Variants in ZNF667 observed in about 807,000 individuals in gnomAD.
ZNF667 encodes the protein myocardial ischemic preconditioning upregulated 1 ortholog.
Under a neutral mutation model 31.8 loss-of-function variants are expected in ZNF667, and 13 were observed. The ratio of observed to expected loss-of-function variants is 0.41; its 90% CI spans 0.27 to 0.65. The LOEUF is 0.65. Among genes scored for constraint, ZNF667 ranks in the 30% least tolerant of loss-of-function variants. The pLI, the probability that ZNF667 is intolerant of heterozygous loss-of-function variation, is 0.32. For synonymous variants in ZNF667, 228 were observed against 247.1 expected, an observed-to-expected ratio of 0.92 and a Z score of 0.73; for missense variants, 642 against 725.6, an observed-to-expected ratio of 0.88 and a Z score of 1.32.
chr19:56,464,217 TATTAAA>T (rs1460008540), intron 3 of ZNF667, among the ~76,000 whole-genome samples: 1 of 152,266 alleles, frequency 6.6e-6, no homozygotes, highest in Non-Finnish European at 1.5e-5. Context: ...AGTTAAATGT[TATTAAA>T]ATTAACTTTA....
intron 4 of ZNF667, among the ~76,000 whole-genome samples, chr19:56,461,967 C>T (rs1476609465): frequency 6.6e-6 from 1 of 152,246 alleles, no homozygotes; most frequent in Admixed American, 6.5e-5. Context: ...GTCAAGTCCC[C>T]TCTGCTACTG....
intron 5 of ZNF667, among the ~76,000 whole-genome samples, chr19:56,459,721 C>T (rs945544167): frequency 3.3e-5 from 5 of 152,126 alleles, no homozygotes; most frequent in Admixed American, 6.5e-5. Flanking sequence ...GGGCTGAGTG[C>T]GGTGGCTCAT....
chr19:56,465,334 T>C (rs956307475), intron 3 of ZNF667, among the ~76,000 whole-genome samples: 7 of 152,202 alleles, frequency 4.6e-5, no homozygotes, highest in African/African-American at 1.7e-4. Context: ...GAGTTCAGAG[T>C]TAGGTAATGG....
At chr19:56,458,099 T>G in intron 6 of ZNF667, 56 bp downstream of exon 6, 1 of 1,468,030 alleles carries the variant, frequency 6.8e-7, no homozygotes, top group Non-Finnish European at 9.5e-7. Context: ...TATATGGCAT[T>G]CTGTTATAGC....
Position 56,439,793 on chromosome 19 carries a change from T to A in ZNF667, c.*1369A>T, listed in dbSNP as rs1341902476. ...CTTCAGCCTCCCGAGTAGCTGGGAC[T>A]ACAGGCACATGCCACTGTGCCTGGC... On this transcript the variant is annotated 3_prime_UTR_variant, in exon 7 of 7. Transcript: ENST00000504904. 1 of 152,662 alleles carries A rather than the reference T, an allele frequency of 6.6e-6. No homozygotes were observed. Among genetic ancestry groups the A allele is most frequent in the Non-Finnish European group, 1.5e-5 (1 of 68,390 alleles). 9.5% of individuals were successfully genotyped at this position (152,662 alleles called of 1,614,324 possible).
In ZNF667 at chr19:56,441,806, G is replaced by T. The variant is rs748206085; in HGVS notation, c.1189C>A (p.Arg397=). The T allele has an allele frequency of 6.2e-7, 1 of 1,613,830 alleles. No individual in the cohort carries two copies. Among genetic ancestry groups the T allele is most frequent in the Non-Finnish European group, 8.5e-7 (1 of 1,179,982 alleles). The change falls in exon 7 of 7, where the codon CGG becomes AGG. Residue 397 remains arginine (R), a synonymous_variant. Transcript: ENST00000504904. This position sits in a 1 kb window ranked among gnomAD's most constrained non-coding sequence, Gnocchi z 4.2. ...RCNKCEKVCN[R]HSSLIQHQKV... The stretch of plus-strand genomic sequence containing the variant: ...TGATGTTGAATAAGGGATGAATGCC[G>T]ATTGCAGACCTTCTCACATTTATTG...
intron 2 of ZNF667, chr19:56,473,155 G>C (rs141807551): frequency 6.6e-6 from 1 of 152,326 alleles, no homozygotes; most frequent in East Asian, 1.9e-4. Flanking sequence ...TTTATAGAAA[G>C]GGGCAGTACA....
intron 3 of ZNF667, chr19:56,467,839 G>C (rs372083612): frequency 6.6e-6 from 1 of 152,088 alleles, no homozygotes; most frequent in Non-Finnish European, 1.5e-5. Context: ...CCTTCCTTGG[G>C]AACCCTCCAG....
chr19:56,451,868 C>CAAAAAAAAAAAAAAAAAAAAAAAAAA (rs71184363), intron 6 of ZNF667, among the ~76,000 whole-genome samples: 1 of 80,976 alleles, frequency 1.2e-5, no homozygotes, highest in African/African-American at 5.4e-5. Flanking sequence ...GACCCTGTCT[C>CAAAAAAAAAAAAAAAAAAAAAAAAAA]AAAAAAAAAA....
At chr19:56,461,578 C>T (rs1373120388) in intron 4 of ZNF667, among the ~76,000 whole-genome samples, 2 of 152,218 alleles carry the variant, frequency 1.3e-5, no homozygotes, top group Admixed American at 6.5e-5. Context: ...CCAGCTAAAC[C>T]ATGTTGTGCC....
intron 6 of ZNF667, among the ~76,000 whole-genome samples, chr19:56,455,334 A>C (rs542873532): frequency 1.1e-4 from 16 of 152,218 alleles, no homozygotes; most frequent in Middle Eastern, 3.5e-3. Flanking sequence ...ATACCCCCCC[A>C]AAAAAATAAA....
In ZNF667 at chr19:56,466,942, G is replaced by A. The variant is rs752369946; in HGVS notation, c.-59-4513C>T. The A allele has an allele frequency of 4.0e-5, 18 of 453,346 alleles. 1 individual carries two copies. The highest frequency in any genetic ancestry group is 2.8e-4 in the South Asian group (18 of 63,576). The allele number at this position is 453,346 out of a possible 1,614,324, so 28.1% of individuals were successfully genotyped here. A position where few individuals can be genotyped will look rare whatever the true frequency, so the allele number is the denominator to read the frequency against. ...CTGAGAACACCCTACTCTATAACAG[G>A]GTAGTTTCCAATAAACTTGCTTCTT... On this transcript the variant is annotated intron_variant, in intron 3 of 6. Transcript: ENST00000504904.
rs1403704534 is a variant in ZNF667 at position 56,442,037 on chromosome 19, GTAGACTCTGAC to G, written c.947_957del (p.Ser316ThrfsTer12). 1 of 1,614,146 alleles carries G rather than the reference GTAGACTCTGAC, an allele frequency of 6.2e-7. No homozygotes were observed. Among genetic ancestry groups the G allele is most frequent in the Non-Finnish European group, 8.5e-7 (1 of 1,180,028 alleles). On this transcript the variant is annotated frameshift_variant, in exon 7 of 7. Transcript: ENST00000504904. LOFTEE classifies it high-confidence loss of function. ...TTCTCTAAATGGTGACTTCTTTGCTGTAGACTCTGACTTAAGGCCTTCGCATTTTCAGGGAT... is the reference window on the plus strand; with the variant it reads ...TTCTCTAAATGGTGACTTCTTTGCTGTTAAGGCCTTCGCATTTTCAGGGAT...
At chr19:56,466,165 C>T (rs2043155207) in intron 3 of ZNF667, among the ~76,000 whole-genome samples, 1 of 152,172 alleles carries the variant, frequency 6.6e-6, no homozygotes, top group Non-Finnish European at 1.5e-5. Context: ...CCCTGGCTTC[C>T]CCAGGCTCTG....
At chr19:56,467,243 C>T (rs567994659) in intron 3 of ZNF667, among the ~76,000 whole-genome samples, 2 of 152,128 alleles carry the variant, frequency 1.3e-5, no homozygotes, top group South Asian at 2.1e-4. Flanking sequence ...TGTGGTAGAC[C>T]AGAGTTATGG....
chr19:56,455,677 G>T (rs961460507), intron 6 of ZNF667, among the ~76,000 whole-genome samples: 2 of 152,150 alleles, frequency 1.3e-5, no homozygotes, highest in Admixed American at 6.5e-5. Flanking sequence ...CAGTTAAGAT[G>T]CAATAAATAC....
At chr19:56,457,493 T>G (rs2042958381) in intron 6 of ZNF667, among the ~76,000 whole-genome samples, 1 of 152,170 alleles carries the variant, frequency 6.6e-6, no homozygotes, top group Non-Finnish European at 1.5e-5. Flanking sequence ...TCTCTGGGCC[T>G]GTTTGCTTAT....
At chr19:56,464,549 A>G (rs1274186162) in intron 3 of ZNF667, among the ~76,000 whole-genome samples, 1 of 152,336 alleles carries the variant, frequency 6.6e-6, no homozygotes, top group African/African-American at 2.4e-5. Flanking sequence ...GTTGCTTTTT[A>G]CCCTTTTCAA....
At chr19:56,456,813 G>A (rs187401884) in intron 6 of ZNF667, among the ~76,000 whole-genome samples, 2 of 152,254 alleles carry the variant, frequency 1.3e-5, no homozygotes, top group East Asian at 3.9e-4. Flanking sequence ...ATAACTCTAT[G>A]TATAAACTGT....
Sources: allele counts gnomAD v4.1 joint callset (sites outside exome capture counted in the v4.1 genomes callset), GRCh38; gene constraint gnomAD v4.1.1; non-coding constraint Gnocchi (gnomAD v3.1); transcripts MANE v1.5; gene names NCBI Gene and HGNC (gene_info 2026-07-23, HGNC 2026-07-21).